The following NUBPL variants were observed in gnomAD, a reference collection of about 807,000 sequenced individuals.
The protein encoded by NUBPL is NUBP iron-sulfur cluster assembly factor, mitochondrial, also known as iron-sulfur cluster transfer protein NUBPL.
NUBPL carries 31 observed loss-of-function variants against 45.7 expected under a neutral mutation model. The observed-to-expected ratio is 0.68, with a 90% CI of 0.51 to 0.92. NUBPL has a LOEUF of 0.92. Ranked by LOEUF, NUBPL falls within the 40% of genes least tolerant of loss-of-function variation. The pLI, the probability that NUBPL is intolerant of heterozygous loss-of-function variation, is 0.00. For missense variants in NUBPL, 401 were observed against 398.7 expected, an observed-to-expected ratio of 1.01 and a Z score of -0.05; for synonymous variants, 144 against 140.9, an observed-to-expected ratio of 1.02 and a Z score of -0.15.
intron 6 of NUBPL, among the ~76,000 whole-genome samples, chr14:31,746,627 A>G (rs1391738264): frequency 6.6e-6 from 1 of 151,902 alleles, no homozygotes; most frequent in African/African-American, 2.4e-5. Flanking sequence ...CATCAGGGAT[A>G]TTGGCCTGTA....
intron 3 of NUBPL, among the ~76,000 whole-genome samples, chr14:31,566,784 G>A (rs1231828162): frequency 1.3e-5 from 2 of 152,106 alleles, no homozygotes; most frequent in East Asian, 3.9e-4. Context: ...GTAGGTCCGA[G>A]TCAGAGTGAC....
intron 6 of NUBPL, among the ~76,000 whole-genome samples, chr14:31,680,570 A>G (rs947809944): frequency 1.3e-5 from 2 of 151,980 alleles, no homozygotes; most frequent in African/African-American, 4.8e-5. Flanking sequence ...ATCATATTTT[A>G]ATTACAATGA....
intron 6 of NUBPL, among the ~76,000 whole-genome samples, chr14:31,700,994 A>G (rs541498195): frequency 1.3e-5 from 2 of 152,292 alleles, no homozygotes; most frequent in South Asian, 4.1e-4. Flanking sequence ...GATCCACTAG[A>G]CAAAGCCAGC....
chr14:31,833,475 A>G (rs1477497192), intron 8 of NUBPL, among the ~76,000 whole-genome samples: 1 of 152,148 alleles, frequency 6.6e-6, no homozygotes, highest in Non-Finnish European at 1.5e-5. Context: ...ATATAGATTT[A>G]TTAAGTTGCT....
intron 4 of NUBPL, among the ~76,000 whole-genome samples, chr14:31,649,436 A>G (rs550959724): frequency 6.6e-6 from 1 of 152,342 alleles, no homozygotes; most frequent in Non-Finnish European, 1.5e-5. Context: ...TTAATCTGTA[A>G]TGATTGAACA....
At chr14:31,752,424 T>TA (rs2038552297) in intron 6 of NUBPL, among the ~76,000 whole-genome samples, 2 of 152,178 alleles carry the variant, frequency 1.3e-5, no homozygotes, top group African/African-American at 4.8e-5. Flanking sequence ...CTCTCAAGTT[T>TA]AGAGATCCCC....
chr14:31,817,827 A>C (rs1393351227), intron 7 of NUBPL, among the ~76,000 whole-genome samples: 1 of 152,226 alleles, frequency 6.6e-6, no homozygotes, highest in Non-Finnish European at 1.5e-5. Flanking sequence ...CCTTAAATGT[A>C]AGTGGGGTAA....
At chr14:31,734,286 T>G (rs1463765806) in intron 6 of NUBPL, among the ~76,000 whole-genome samples, 2 of 152,202 alleles carry the variant, frequency 1.3e-5, no homozygotes, top group African/African-American at 2.4e-5. Flanking sequence ...GCATGAGCAC[T>G]TCTGTCTCTT....
Position 31,834,454 on chromosome 14 carries a change from C to T in NUBPL, c.693+7740C>T, listed in dbSNP as rs547703634. ...TTGGCCTCCCAAAGTGCTGGGATTA[C>T]AGGCGTGAGCCACTGCGCCTGGCCG... On this transcript the variant is annotated intron_variant, in intron 8 of 10. Coordinates refer to ENST00000281081, the MANE Select transcript of NUBPL (RefSeq NM_025152.3). Among the ~76,000 whole-genome samples, 234 of 152,264 alleles carry T rather than the reference C, an allele frequency of 1.5e-3. 1 individual carries two copies. The highest frequency in any genetic ancestry group is 5.0e-3 in the African/African-American group (208 of 41,554).
intron 6 of NUBPL, among the ~76,000 whole-genome samples, chr14:31,694,161 A>T (rs1726911635): frequency 6.6e-6 from 1 of 152,088 alleles, no homozygotes; most frequent in Non-Finnish European, 1.5e-5. Flanking sequence ...GGCCAACATG[A>T]GGTAGACTTT....
intron 6 of NUBPL, among the ~76,000 whole-genome samples, chr14:31,676,289 C>T (rs558354553): frequency 1.3e-5 from 2 of 152,100 alleles, no homozygotes; most frequent in East Asian, 1.9e-4. Flanking sequence ...TCCCAAAGTG[C>T]TGGGATTACA....
chr14:31,616,142 G>GT (rs1228174462), intron 4 of NUBPL, among the ~76,000 whole-genome samples: 1 of 151,910 alleles, frequency 6.6e-6, no homozygotes, highest in East Asian at 1.9e-4. Context: ...TGATGGGGTT[G>GT]TTTTTTTCTT....
At chr14:31,763,614 T>C (rs2038858086) in intron 6 of NUBPL, among the ~76,000 whole-genome samples, 1 of 152,208 alleles carries the variant, frequency 6.6e-6, no homozygotes, top group Admixed American at 6.5e-5. Context: ...ATTTTTTGTT[T>C]TGATTTATTG....
intron 6 of NUBPL, among the ~76,000 whole-genome samples, chr14:31,768,413 A>G (rs1014855667): frequency 6.6e-6 from 1 of 152,216 alleles, no homozygotes; most frequent in Non-Finnish European, 1.5e-5. Context: ...CTTGGATGAG[A>G]CTAATGCAAG....
At chr14:31,729,280 C>CT (rs1555332385) in intron 6 of NUBPL, among the ~76,000 whole-genome samples, 5 of 133,926 alleles carry the variant, frequency 3.7e-5, no homozygotes, top group South Asian at 5.3e-4. Flanking sequence ...CTCCATCCCC[C>CT]CCCCCCCCAA....
Position 31,657,339 on chromosome 14 carries a change from G to A in NUBPL, c.383-16016G>A, listed in dbSNP as rs74040886. Among the ~76,000 whole-genome samples, 474 of 152,262 alleles carry A rather than the reference G, an allele frequency of 3.1e-3. 2 individuals are homozygous for A. Among genetic ancestry groups the A allele is most frequent in the African/African-American group, 0.011 (441 of 41,554 alleles). On this transcript the variant is annotated intron_variant, in intron 4 of 10. Coordinates refer to ENST00000281081, the MANE Select transcript of NUBPL (RefSeq NM_025152.3). ...TTTCAAATCTCTAGTGTAACTAAATGGGTAATATAGTAAGGCTTTTATTAT... is the reference window on the plus strand; with the variant it reads ...TTTCAAATCTCTAGTGTAACTAAATAGGTAATATAGTAAGGCTTTTATTAT...
chr14:31,728,317 T>C (rs890916647), intron 6 of NUBPL, among the ~76,000 whole-genome samples: 3 of 151,920 alleles, frequency 2.0e-5, no homozygotes, highest in Admixed American at 6.6e-5. Flanking sequence ...TATTTATTAT[T>C]ATTATTATTG....
intron 4 of NUBPL, among the ~76,000 whole-genome samples, chr14:31,600,470 A>C (rs1330089831): frequency 6.6e-6 from 1 of 152,206 alleles, no homozygotes; most frequent in Non-Finnish European, 1.5e-5. Context: ...AAACTAGAGT[A>C]CCCGAATACC....
chr14:31,580,163 A>G (rs887949820), intron 3 of NUBPL, among the ~76,000 whole-genome samples: 3 of 152,240 alleles, frequency 2.0e-5, no homozygotes, highest in African/African-American at 7.2e-5. Flanking sequence ...TTTACTGAGT[A>G]CTTTACATGT....
Sources: gnomAD v4.1 joint callset for allele counts (sites outside exome capture counted in the v4.1 genomes callset) on GRCh38, gnomAD v4.1.1 for gene constraint, MANE v1.5 for transcripts, NCBI Gene and HGNC (gene_info 2026-07-23, HGNC 2026-07-21) for gene names.